The following CSMD3 variants were observed in gnomAD, a reference collection of about 807,000 sequenced individuals.
The protein encoded by CSMD3 is CUB and Sushi multiple domains 3.
A neutral mutation model predicts 435.2 loss-of-function variants in CSMD3; 177 were observed. That is an observed-to-expected ratio of 0.41 (90% CI 0.36 to 0.46). CSMD3 has a LOEUF of 0.46. CSMD3 is among the 20% of genes least tolerant of loss of function. The probability of loss-of-function intolerance (pLI) is 0.34; values close to 1 mark genes in which losing one functional copy is unlikely to be tolerated. For missense variants in CSMD3, 4,265 were observed against 4,504.6 expected (o/e 0.95, Z 1.52); for synonymous variants, 1,656 against 1,520.5 (o/e 1.09, Z -2.07).
At chr8:113,030,872 A>C (rs973162199) in intron 5 of CSMD3, among the ~76,000 whole-genome samples, 3 of 151,600 alleles carry the variant, frequency 2.0e-5, no homozygotes, top group Non-Finnish European at 4.4e-5. Flanking sequence ...CAGGTATTTC[A>C]CAGAAGAGGA....
intron 59 of CSMD3, among the ~76,000 whole-genome samples, chr8:112,280,058 G>T (rs1352470264): frequency 6.6e-6 from 1 of 152,030 alleles, no homozygotes. Flanking sequence ...CAAACAAAAA[G>T]GAGCCCAGAA....
intron 11 of CSMD3, among the ~76,000 whole-genome samples, chr8:112,849,926 G>GT (rs1403358527): frequency 1.3e-5 from 2 of 152,076 alleles, no homozygotes; most frequent in Admixed American, 6.5e-5. Flanking sequence ...TCAATGCCTA[G>GT]TTTTGAATCC....
chr8:113,400,350 C>A (rs1207112237), intron 1 of CSMD3, among the ~76,000 whole-genome samples: 1 of 151,944 alleles, frequency 6.6e-6, no homozygotes, highest in Non-Finnish European at 1.5e-5. Context: ...CCTCCCCCTG[C>A]CCCATCCCTC....
chr8:113,432,543 T>A (rs2094680905), intron 1 of CSMD3, among the ~76,000 whole-genome samples: 1 of 152,136 alleles, frequency 6.6e-6, no homozygotes, highest in Non-Finnish European at 1.5e-5. Flanking sequence ...TCCCTCAGAG[T>A]CTAACTAAGC....
At chr8:112,405,062 C>T (rs563402184) in intron 35 of CSMD3, among the ~76,000 whole-genome samples, 1 of 149,158 alleles carries the variant, frequency 6.7e-6, no homozygotes, top group African/African-American at 2.5e-5. Context: ...TAGTGCACGC[C>T]TGTAATCCCA....
chr8:113,039,067 T>G (rs2087484584), intron 5 of CSMD3, among the ~76,000 whole-genome samples: 4 of 152,110 alleles, frequency 2.6e-5, no homozygotes, highest in Admixed American at 1.3e-4. Context: ...TGGTATAGTG[T>G]TCTATGAAAT....
At chr8:112,776,759 T>C (rs542843893) in intron 13 of CSMD3, among the ~76,000 whole-genome samples, 2 of 151,946 alleles carry the variant, frequency 1.3e-5, no homozygotes, top group Admixed American at 6.6e-5. Context: ...ACCATTATAT[T>C]GTTTCCTTAC....
chr8:113,107,155 A>G (rs1002551266), intron 4 of CSMD3, among the ~76,000 whole-genome samples: 2 of 152,184 alleles, frequency 1.3e-5, no homozygotes, highest in African/African-American at 4.8e-5. Context: ...TACAGCAAAG[A>G]GCATCATGCA....
intron 45 of CSMD3, among the ~76,000 whole-genome samples, chr8:112,324,598 T>C (rs1420579869): frequency 6.6e-6 from 1 of 151,754 alleles, no homozygotes; most frequent in Non-Finnish European, 1.5e-5. Context: ...TGTGTGTGTG[T>C]GTGTTTTCTG....
At chr8:112,779,264 G>A (rs1201912037) in intron 13 of CSMD3, among the ~76,000 whole-genome samples, 2 of 151,628 alleles carry the variant, frequency 1.3e-5, no homozygotes, top group South Asian at 2.1e-4. Context: ...GTTAATCTTT[G>A]TGGCAAACTA....
At chr8:112,467,068 AG>A (rs1322814663) in intron 32 of CSMD3, among the ~76,000 whole-genome samples, 6 of 152,198 alleles carry the variant, frequency 3.9e-5, no homozygotes, top group African/African-American at 1.4e-4. Flanking sequence ...TTTTTTAAAA[AG>A]CCTCTCCTAC....
chr8:113,193,177 T>C (rs1417022627), intron 3 of CSMD3, among the ~76,000 whole-genome samples: 2 of 151,120 alleles, frequency 1.3e-5, no homozygotes, highest in African/African-American at 4.9e-5. Context: ...ACTTATTCCA[T>C]CTCGTATTCG....
At chr8:112,618,239 A>G (rs1466950417) in intron 22 of CSMD3, among the ~76,000 whole-genome samples, 4 of 152,126 alleles carry the variant, frequency 2.6e-5, no homozygotes, top group Admixed American at 2.6e-4. Context: ...TTTGTAAAGG[A>G]ATTAAACAGA....
At chr8:112,912,268 T>C (rs2082443191) in intron 10 of CSMD3, among the ~76,000 whole-genome samples, 1 of 151,618 alleles carries the variant, frequency 6.6e-6, no homozygotes, top group Non-Finnish European at 1.5e-5. Flanking sequence ...TTTTTTTGGA[T>C]AAATATCTAG....
intron 53 of CSMD3, among the ~76,000 whole-genome samples, chr8:112,298,568 A>G (rs891916490): frequency 6.6e-6 from 1 of 152,136 alleles, no homozygotes; most frequent in African/African-American, 2.4e-5. Flanking sequence ...AAGAGAAAAT[A>G]CTTATAAAAC....
chr8:112,362,661 G>A (rs965393113), intron 38 of CSMD3, among the ~76,000 whole-genome samples: 6 of 148,764 alleles, frequency 4.0e-5, no homozygotes, highest in South Asian at 2.2e-4. Flanking sequence ...GACTCTTGAC[G>A]GAACAGGAGA....
chr8:112,978,869 C>G (rs1230749851), intron 6 of CSMD3, among the ~76,000 whole-genome samples: 1 of 151,686 alleles, frequency 6.6e-6, no homozygotes, highest in African/African-American at 2.4e-5. Flanking sequence ...GTAGATGCTC[C>G]AGGAACATTC....
chr8:113,197,083 T>G (rs898320243), intron 3 of CSMD3, among the ~76,000 whole-genome samples: 4 of 151,346 alleles, frequency 2.6e-5, no homozygotes, highest in Non-Finnish European at 5.9e-5. Context: ...ACTGATTAAA[T>G]AGAGTGATAA....
chr8:112,506,937 G>C, intron 28 of CSMD3, 108 bp from the exon 29 acceptor site: 4 of 959,018 alleles, frequency 4.2e-6, no homozygotes, highest in Non-Finnish European at 4.8e-6. Flanking sequence ...GCTTTGTACA[G>C]ACCTGAATTT....
Sources: gnomAD v4.1 joint callset for allele counts (sites outside exome capture counted in the v4.1 genomes callset) on GRCh38, gnomAD v4.1.1 for gene constraint, MANE v1.5 for transcripts, NCBI Gene and HGNC (gene_info 2026-07-23, HGNC 2026-07-21) for gene names.